Variants in MGMT observed in about 807,000 individuals in gnomAD.
The protein encoded by MGMT is methylated-DNA--protein-cysteine methyltransferase.
In MGMT, 14 loss-of-function variants were observed where a neutral mutation model predicts 15.9. That is an observed-to-expected ratio of 0.88 (90% CI 0.58 to 1.37). The LOEUF is 1.37. Ranked by LOEUF, MGMT falls within the 40% of genes most tolerant of loss-of-function variation. MGMT has a pLI of 0.00. For missense variants in MGMT, 282 were observed against 268.1 expected (o/e 1.05, Z -0.36); for synonymous variants, 130 against 118.2 (o/e 1.10, Z -0.65).
At chr10:129,502,277 C>T (rs1421775837) in intron 1 of MGMT, among the ~76,000 whole-genome samples, 2 of 151,904 alleles carry the variant, frequency 1.3e-5, no homozygotes, top group African/African-American at 4.8e-5. Flanking sequence ...ACCTCCCTGT[C>T]TGCTTCTTCA....
chr10:129,652,172 A>T lies in MGMT; in HGVS notation c.126-55723A>T, dbSNP rs368721708. On this transcript the variant is annotated intron_variant, in intron 2 of 4. Transcript: ENST00000651593. ...ACAACAGAAAGGCCCCCTGGGAGAC[A>T]GGTCCCTGGCTTGCCCTGTGCTTCC... is the stretch of plus-strand genomic sequence containing the variant. Among the ~76,000 whole-genome samples the T allele has an allele frequency of 2.6e-5, 4 of 152,322 alleles. No individual in the cohort carries two copies. The East Asian group carries it at 7.7e-4, about 29-fold the overall frequency.
intron 1 of MGMT, among the ~76,000 whole-genome samples, chr10:129,492,569 T>C (rs1486287551): frequency 6.6e-6 from 1 of 152,232 alleles, no homozygotes; most frequent in African/African-American, 2.4e-5. Context: ...GTTCTGATTC[T>C]GATCTTTCAT....
intron 2 of MGMT, among the ~76,000 whole-genome samples, chr10:129,661,996 G>A (rs374736361): frequency 5.2e-4 from 79 of 152,212 alleles, no homozygotes; most frequent in South Asian, 1.2e-3. Context: ...TCTAGATACA[G>A]GCTCTGTTCT....
intron 2 of MGMT, among the ~76,000 whole-genome samples, chr10:129,687,789 C>T (rs1433789424): frequency 1.3e-5 from 2 of 151,012 alleles, no homozygotes; most frequent in Non-Finnish European, 2.9e-5. Context: ...TGTTGGTGTG[C>T]TGCACCCATT....
chr10:129,607,236 AT>A (rs1040892670), intron 2 of MGMT, among the ~76,000 whole-genome samples: 201 of 145,284 alleles, frequency 1.4e-3, no homozygotes, highest in East Asian at 8.6e-3. Flanking sequence ...GAGGGCAGTC[AT>A]TTTTTTTTTT....
At chr10:129,764,018 C>T (rs1454018954) in intron 4 of MGMT, among the ~76,000 whole-genome samples, 1 of 152,156 alleles carries the variant, frequency 6.6e-6, no homozygotes, top group Non-Finnish European at 1.5e-5. Flanking sequence ...TGTGATGTGC[C>T]GGAAGCCAGA....
chr10:129,551,393 A>G (rs1846154924), intron 2 of MGMT, among the ~76,000 whole-genome samples: 1 of 152,100 alleles, frequency 6.6e-6, no homozygotes, highest in African/African-American at 2.4e-5. Flanking sequence ...CAGGCAGGAA[A>G]GACAGAAGGC....
rs189633736 is a variant in MGMT at position 129,632,491 on chromosome 10, G to C, written c.126-75404G>C. ...CAGTACGGGGCAAAAGCACACGGTAGAGGATTTTGAAATCACCCTGATTGA... is the reference window on the plus strand; with the variant it reads ...CAGTACGGGGCAAAAGCACACGGTACAGGATTTTGAAATCACCCTGATTGA... On this transcript the variant is annotated intron_variant, in intron 2 of 4. Transcript: ENST00000651593. 3.7e-4 allele frequency among the ~76,000 whole-genome samples: 57 copies of C among 152,340 alleles called. 1 individual carries two copies. In the East Asian group the frequency reaches 8.9e-3, roughly 24 times the overall value.
intron 1 of MGMT, among the ~76,000 whole-genome samples, chr10:129,522,269 G>C (rs1017133521): frequency 1.6e-4 from 24 of 152,354 alleles, no homozygotes; most frequent in African/African-American, 5.8e-4. Context: ...TGGGGGCCCT[G>C]CAGGGGTCAC....
At chr10:129,744,882 G>A (rs1848676358) in intron 3 of MGMT, among the ~76,000 whole-genome samples, 1 of 152,218 alleles carries the variant, frequency 6.6e-6, no homozygotes, top group Admixed American at 6.5e-5. Context: ...AGCCTCCCAG[G>A]AAAGGATGGT....
At chr10:129,671,474 C>G (rs1445278117) in intron 2 of MGMT, among the ~76,000 whole-genome samples, 3 of 152,012 alleles carry the variant, frequency 2.0e-5, no homozygotes, top group African/African-American at 7.2e-5. Flanking sequence ...CAGCCACACT[C>G]ATTTGTTTAT....
At chr10:129,511,755 G>T (rs1405421983) in intron 1 of MGMT, among the ~76,000 whole-genome samples, 1 of 152,220 alleles carries the variant, frequency 6.6e-6, no homozygotes, top group Non-Finnish European at 1.5e-5. Flanking sequence ...GATCCCATTA[G>T]AGCTGGGACT....
At chr10:129,487,802 T>C (rs1845423822) in intron 1 of MGMT, among the ~76,000 whole-genome samples, 1 of 152,032 alleles carries the variant, frequency 6.6e-6, no homozygotes, top group Non-Finnish European at 1.5e-5. Context: ...TAGGTGTATG[T>C]ATGTATATAT....
intron 1 of MGMT, among the ~76,000 whole-genome samples, chr10:129,508,360 C>T (rs914005109): frequency 3.3e-5 from 5 of 151,852 alleles, no homozygotes; most frequent in Admixed American, 1.3e-4. Flanking sequence ...AGAGAGGAGT[C>T]GTAGGGCTGG....
intron 3 of MGMT, among the ~76,000 whole-genome samples, chr10:129,727,143 G>T (rs1848443247): frequency 6.6e-6 from 1 of 152,194 alleles, no homozygotes; most frequent in East Asian, 1.9e-4. Context: ...TTCACTGCTG[G>T]TACTCCCACT....
chr10:129,664,801 A>C (rs776840168), intron 2 of MGMT, among the ~76,000 whole-genome samples: 10 of 152,216 alleles, frequency 6.6e-5, no homozygotes, highest in Non-Finnish European at 1.3e-4. Context: ...TGGAACAGGC[A>C]CTTCACCAAA....
At chr10:129,761,401 C>T (rs1054526017) in intron 4 of MGMT, among the ~76,000 whole-genome samples, 4 of 152,246 alleles carry the variant, frequency 2.6e-5, no homozygotes, top group African/African-American at 9.6e-5. Context: ...ACAAGCTCCA[C>T]TAACTGACAT....
At chr10:129,521,450 G>A (rs1441027996) in intron 1 of MGMT, among the ~76,000 whole-genome samples, 1 of 152,170 alleles carries the variant, frequency 6.6e-6, no homozygotes. Flanking sequence ...TGGATGGAAG[G>A]GACTTCAGTG....
At chr10:129,524,246 C>T (rs1163846806) in intron 1 of MGMT, among the ~76,000 whole-genome samples, 1 of 152,238 alleles carries the variant, frequency 6.6e-6, no homozygotes, top group Non-Finnish European at 1.5e-5. Flanking sequence ...CTGGCGTGCT[C>T]AGGCCCCTGC....
Sources: gnomAD v4.1 joint callset for allele counts (sites outside exome capture counted in the v4.1 genomes callset) on GRCh38, gnomAD v4.1.1 for gene constraint, MANE v1.5 for transcripts, NCBI Gene and HGNC (gene_info 2026-07-23, HGNC 2026-07-21) for gene names.